Variants in EFCAB6 observed in about 807,000 individuals in gnomAD.
EFCAB6 encodes EF-hand calcium binding domain 6, also known as EF-hand calcium-binding domain-containing protein 6.
A neutral mutation model predicts 169.8 loss-of-function variants in EFCAB6; 156 were observed. That is an observed-to-expected ratio of 0.92 (90% CI 0.81 to 1.05). The LOEUF (loss-of-function observed/expected upper bound fraction) is 1.05, where lower values mean the gene tolerates loss of function less well. EFCAB6 is among the 50% of genes least tolerant of loss of function. EFCAB6 has a pLI of 0.00. For missense variants in EFCAB6, 1,800 were observed against 1,829.1 expected (o/e 0.98, Z 0.29); for synonymous variants, 698 against 676.4 (o/e 1.03, Z -0.50).
At chr22:43,622,614 T>G (rs1313504323) in intron 20 of EFCAB6, among the ~76,000 whole-genome samples, 1 of 152,202 alleles carries the variant, frequency 6.6e-6, no homozygotes, top group African/African-American at 2.4e-5. Flanking sequence ...TATTTTGCAA[T>G]TATTATCTGG....
chr22:43,678,351 G>GTA, intron 12 of EFCAB6, among the ~76,000 whole-genome samples, 188 bp from the exon 13 acceptor site: 1 of 151,748 alleles, frequency 6.6e-6, no homozygotes, highest in Non-Finnish European at 1.5e-5. Flanking sequence ...GTGTGTGTGT[G>GTA]TGTGTGTGTG....
chr22:43,707,382 T>C (rs773260135), intron 10 of EFCAB6, among the ~76,000 whole-genome samples: 1 of 152,112 alleles, frequency 6.6e-6, no homozygotes, highest in African/African-American at 2.4e-5. Context: ...CAAAGAATCA[T>C]AGCTGGGAAC....
intron 26 of EFCAB6, among the ~76,000 whole-genome samples, chr22:43,557,193 C>T (rs1298040822): frequency 6.6e-6 from 1 of 152,178 alleles, no homozygotes; most frequent in Non-Finnish European, 1.5e-5. Context: ...GTTGCTTACC[C>T]ACTTTTTGCC....
intron 17 of EFCAB6, among the ~76,000 whole-genome samples, chr22:43,657,189 G>A (rs574037599): frequency 6.2e-4 from 94 of 152,232 alleles, no homozygotes; most frequent in African/African-American, 2.0e-3. Context: ...CAGCTACTCA[G>A]GAAGCTGAGG....
intron 2 of EFCAB6, among the ~76,000 whole-genome samples, chr22:43,806,655 C>T (rs1440062702): frequency 6.6e-6 from 1 of 152,150 alleles, no homozygotes; most frequent in Non-Finnish European, 1.5e-5. Flanking sequence ...ACGTTCTTAC[C>T]CAGTGCTCCC....
intron 20 of EFCAB6, among the ~76,000 whole-genome samples, chr22:43,616,463 G>A (rs1055409486): frequency 8.5e-5 from 13 of 152,182 alleles, no homozygotes; most frequent in Non-Finnish European, 1.3e-4. Context: ...AGGACTTCGA[G>A]ATCAGGCTGG....
intron 12 of EFCAB6, among the ~76,000 whole-genome samples, chr22:43,679,613 T>TTCCAGTATCTCCACATA (rs2057921718): frequency 6.6e-6 from 1 of 152,120 alleles, no homozygotes; most frequent in African/African-American, 2.4e-5. Context: ...TATATGAGAG[T>TTCCAGTATCTCCACATA]TCCAGTATCT....
intron 5 of EFCAB6, among the ~76,000 whole-genome samples, chr22:43,757,696 GC>G (rs1258785301): frequency 1.3e-5 from 2 of 152,122 alleles, no homozygotes. Context: ...TTCTAGCCAA[GC>G]TGGTCAAGGC....
At chr22:43,809,896 G>A (rs1287357254) in intron 1 of EFCAB6, among the ~76,000 whole-genome samples, 5 of 150,544 alleles carry the variant, frequency 3.3e-5, no homozygotes, top group Admixed American at 2.0e-4. Context: ...ATGAGCCACC[G>A]CGCACAGCCT....
In EFCAB6 at chr22:43,592,557, C is replaced by T. The variant is rs572307233; in HGVS notation, c.2877-2328G>A. On this transcript the variant is annotated intron_variant, in intron 23 of 31. Transcript: ENST00000262726. Reference sequence around the variant, plus strand: ...TTCCCTTGCAGAGTAAATATGTGCACAGAGTAAATGAGGGTTTAGAGCACA... The same window carrying T: ...TTCCCTTGCAGAGTAAATATGTGCATAGAGTAAATGAGGGTTTAGAGCACA... 1.1e-4 allele frequency among the ~76,000 whole-genome samples: 16 copies of T among 152,252 alleles called. No individual in the cohort carries two copies. In the South Asian group the frequency reaches 1.7e-3, roughly 16 times the overall value.
At chr22:43,765,767 C>T (rs1394732090) in intron 4 of EFCAB6, among the ~76,000 whole-genome samples, 3 of 152,018 alleles carry the variant, frequency 2.0e-5, no homozygotes, top group Non-Finnish European at 2.9e-5. Flanking sequence ...CTGAGTGTCA[C>T]GTGAACTTTG....
chr22:43,598,008 G>A (rs1304308454), intron 23 of EFCAB6, among the ~76,000 whole-genome samples: 1 of 152,132 alleles, frequency 6.6e-6, no homozygotes, highest in Non-Finnish European at 1.5e-5. Context: ...ATTCATATGT[G>A]GGAGTTTAAA....
intron 10 of EFCAB6, among the ~76,000 whole-genome samples, chr22:43,708,520 C>A (rs781444743): frequency 4.0e-5 from 6 of 151,868 alleles, no homozygotes; most frequent in Non-Finnish European, 5.9e-5. Flanking sequence ...ATATTAATCA[C>A]AATAAATGAA....
chr22:43,712,918 T>C (rs1387696318), intron 9 of EFCAB6, among the ~76,000 whole-genome samples: 1 of 152,172 alleles, frequency 6.6e-6, no homozygotes, highest in African/African-American at 2.4e-5. Context: ...ACTGTTTATA[T>C]AGAAAGTACA....
chr22:43,605,435 G>C (rs1218408520), intron 22 of EFCAB6, among the ~76,000 whole-genome samples: 1 of 152,164 alleles, frequency 6.6e-6, no homozygotes, highest in Non-Finnish European at 1.5e-5. Context: ...ACGAGGTCAA[G>C]AGATCAAGAC....
intron 26 of EFCAB6, among the ~76,000 whole-genome samples, chr22:43,561,937 A>T (rs892094039): frequency 6.6e-5 from 10 of 152,344 alleles, no homozygotes; most frequent in African/African-American, 2.4e-4. Context: ...CAGGAAGAGC[A>T]GGGCTGCAGG....
intron 7 of EFCAB6, 122 bp downstream of exon 7, chr22:43,735,735 G>GGT (rs201949853): frequency 6.8e-4 from 767 of 1,128,808 alleles, no homozygotes; most frequent in Non-Finnish European, 8.3e-4. Flanking sequence ...TGAGAAATAA[G>GGT]GTGTGTGTGT....
At position 43,678,172 on chromosome 22, in the gene EFCAB6, C is replaced by G; in HGVS notation, c.1252-9G>C. On this transcript the variant is annotated splice_polypyrimidine_tract_variant and intron_variant, in intron 12 of 31. Coordinates refer to ENST00000262726, the MANE Select transcript of EFCAB6 (RefSeq NM_022785.4). ...ATCGGTCCATCGGGTTTCTGAGCAT[C>G]AGAGTGTATATAAGGGAATTTTTGA... 6.8e-7 allele frequency: 1 copy of G among 1,481,360 alleles called. No individual in the cohort carries two copies. 91.8% of individuals were successfully genotyped at this position (1,481,360 alleles called of 1,614,324 possible). A position where few individuals can be genotyped will look rare whatever the true frequency, so the allele number is the denominator to read the frequency against.
chr22:43,672,817 C>T (rs941430672), intron 13 of EFCAB6, among the ~76,000 whole-genome samples: 1 of 152,002 alleles, frequency 6.6e-6, no homozygotes, highest in Non-Finnish European at 1.5e-5. Context: ...GTACAATAAA[C>T]CCCCATGACA....
Sources: gnomAD v4.1 joint callset for allele counts (sites outside exome capture counted in the v4.1 genomes callset) on GRCh38, gnomAD v4.1.1 for gene constraint, MANE v1.5 for transcripts, NCBI Gene and HGNC (gene_info 2026-07-23, HGNC 2026-07-21) for gene names.